The following CCDC91 variants were observed in gnomAD, a reference collection of about 807,000 sequenced individuals.
CCDC91 encodes the protein coiled-coil domain-containing protein 91.
A neutral mutation model predicts 63.2 loss-of-function variants in CCDC91; 48 were observed. The observed-to-expected ratio is 0.76, with a 90% CI of 0.60 to 0.97. The LOEUF is 0.97. CCDC91 is among the 50% of genes least tolerant of loss of function. The pLI, the probability that CCDC91 is intolerant of heterozygous loss-of-function variation, is 0.00. For missense variants in CCDC91, 500 were observed against 494.6 expected, an observed-to-expected ratio of 1.01 and a Z score of -0.10; for synonymous variants, 167 against 165.8, an observed-to-expected ratio of 1.01 and a Z score of -0.06.
chr12:28,465,493 T>G (rs1950507675), intron 11 of CCDC91, among the ~76,000 whole-genome samples: 3 of 152,146 alleles, frequency 2.0e-5, no homozygotes, highest in Non-Finnish European at 4.4e-5. Context: ...CTTCATTTGT[T>G]TGGGAGAAAC....
At chr12:28,197,514 T>A (rs1941872100) in intron 1 of CCDC91, among the ~76,000 whole-genome samples, 1 of 152,076 alleles carries the variant, frequency 6.6e-6, no homozygotes, top group African/African-American at 2.4e-5. Context: ...GGTAGTAACA[T>A]TTTTTTCCAT....
intron 6 of CCDC91, among the ~76,000 whole-genome samples, chr12:28,352,416 A>C (rs1477151664): frequency 6.6e-6 from 1 of 152,206 alleles, no homozygotes; most frequent in East Asian, 1.9e-4. Context: ...AATTGGAGTA[A>C]GTTCTCTCAA....
chr12:28,200,286 A>G (rs1394682165), intron 1 of CCDC91, among the ~76,000 whole-genome samples: 2 of 128,844 alleles, frequency 1.6e-5, no homozygotes, highest in African/African-American at 5.8e-5. Context: ...CTTTTTATTT[A>G]TTTATTTATT....
intron 3 of CCDC91, among the ~76,000 whole-genome samples, chr12:28,295,827 G>A (rs1949531367): frequency 6.6e-6 from 1 of 152,000 alleles, no homozygotes; most frequent in Non-Finnish European, 1.5e-5. Flanking sequence ...TGTTCGAAAT[G>A]TATCACTTTA....
At chr12:28,548,039 G>T (rs1943105784) in intron 12 of CCDC91, among the ~76,000 whole-genome samples, 1 of 151,736 alleles carries the variant, frequency 6.6e-6, no homozygotes, top group Admixed American at 6.6e-5. Flanking sequence ...TTACCCTATG[G>T]GCAAATTTTT....
chr12:28,272,587 A>G (rs1328384453), intron 3 of CCDC91, among the ~76,000 whole-genome samples: 1 of 151,650 alleles, frequency 6.6e-6, no homozygotes, highest in Non-Finnish European at 1.5e-5. Flanking sequence ...TATAATTTCA[A>G]TTTTCTTTCT....
intron 11 of CCDC91, among the ~76,000 whole-genome samples, chr12:28,482,009 T>G (rs1425444615): frequency 1.3e-5 from 2 of 152,016 alleles, no homozygotes; most frequent in Admixed American, 1.3e-4. Flanking sequence ...TATCTGCAGT[T>G]GTAAAATTTC....
chr12:28,523,151 T>G (rs537307962), intron 12 of CCDC91, among the ~76,000 whole-genome samples: 1 of 152,218 alleles, frequency 6.6e-6, no homozygotes, highest in South Asian at 2.1e-4. Flanking sequence ...ATCTCCTTGA[T>G]CTGTCTAATG....
intron 1 of CCDC91, among the ~76,000 whole-genome samples, chr12:28,230,040 A>G (rs1431004877): frequency 6.6e-6 from 1 of 152,150 alleles, no homozygotes; most frequent in African/African-American, 2.4e-5. Context: ...CTTTAACCAC[A>G]AGTATTACTT....
At chr12:28,247,341 A>C (rs1945810227) in intron 1 of CCDC91, among the ~76,000 whole-genome samples, 1 of 152,012 alleles carries the variant, frequency 6.6e-6, no homozygotes, top group Admixed American at 6.5e-5. Context: ...TTAGCTGGGC[A>C]TGGTGGAGGG....
At chr12:28,321,474 C>G (rs1385332806) in intron 6 of CCDC91, among the ~76,000 whole-genome samples, 1 of 151,964 alleles carries the variant, frequency 6.6e-6, no homozygotes, top group East Asian at 1.9e-4. Context: ...TGGTTTCCCC[C>G]TAAAATTCGT....
At chr12:28,326,244 T>G (rs1565800673) in intron 6 of CCDC91, among the ~76,000 whole-genome samples, 1 of 152,142 alleles carries the variant, frequency 6.6e-6, no homozygotes, top group Non-Finnish European at 1.5e-5. Flanking sequence ...GAGACATTGC[T>G]GTGGCTCAAA....
At chr12:28,322,633 G>GT (rs1206869908) in intron 6 of CCDC91, among the ~76,000 whole-genome samples, 5 of 151,102 alleles carry the variant, frequency 3.3e-5, no homozygotes, top group Non-Finnish European at 7.4e-5. Context: ...ATTTTTTGAG[G>GT]TTTTTCTTAA....
chr12:28,399,679 G>A (rs772078571), intron 8 of CCDC91, among the ~76,000 whole-genome samples: 2 of 152,208 alleles, frequency 1.3e-5, no homozygotes, highest in African/African-American at 2.4e-5. Flanking sequence ...TTGGATAGAT[G>A]CACTTATTCC....
At chr12:28,491,162 A>T in intron 12 of CCDC91, among the ~76,000 whole-genome samples, 1 of 151,836 alleles carries the variant, frequency 6.6e-6, no homozygotes, top group East Asian at 1.9e-4. Flanking sequence ...GGCATCTAGT[A>T]TATGAAAATG....
chr12:28,504,328 C>T (rs1938430979), intron 12 of CCDC91, among the ~76,000 whole-genome samples: 1 of 151,718 alleles, frequency 6.6e-6, no homozygotes, highest in Non-Finnish European at 1.5e-5. Context: ...GTTTTGAGTT[C>T]TGTTGCACAG....
At chr12:28,369,052 C>A (rs1048619516) in intron 7 of CCDC91, among the ~76,000 whole-genome samples, 1 of 152,128 alleles carries the variant, frequency 6.6e-6, no homozygotes, top group African/African-American at 2.4e-5. Flanking sequence ...CCTGGCCCTT[C>A]CCAAATCTCA....
chr12:28,302,714 AC>A (rs1197255761), intron 3 of CCDC91: 16 of 822,464 alleles, frequency 1.9e-5, no homozygotes, highest in Non-Finnish European at 2.2e-5. Flanking sequence ...TGTATTATTA[AC>A]TGAGATGGAA....
At chr12:28,466,763 TC>T (rs1186513630) in intron 11 of CCDC91, among the ~76,000 whole-genome samples, 1 of 152,002 alleles carries the variant, frequency 6.6e-6, no homozygotes, top group Non-Finnish European at 1.5e-5. Context: ...CAATAAGAAA[TC>T]ATCTGAATGT....
Sources: allele counts gnomAD v4.1 joint callset (sites outside exome capture counted in the v4.1 genomes callset), GRCh38; gene constraint gnomAD v4.1.1; transcripts MANE v1.5; gene names NCBI Gene and HGNC (gene_info 2026-07-23, HGNC 2026-07-21).